ACACA: variants seen among roughly 807,000 people sequenced by gnomAD.
ACACA encodes acetyl-CoA carboxylase 1.
In ACACA, 103 loss-of-function variants were observed where a neutral mutation model predicts 296.1. That is an observed-to-expected ratio of 0.35 (90% CI 0.30 to 0.41). The LOEUF (loss-of-function observed/expected upper bound fraction) is 0.41. Ranked by LOEUF, ACACA falls within the 10% of genes least tolerant of loss-of-function variation. The pLI is 1.00. For missense variants in ACACA, 1,554 were observed against 2,989.7 expected (o/e 0.52, Z 11.20); for synonymous variants, 953 against 1,038.6 (o/e 0.92, Z 1.58).
intron 3 of ACACA, among the ~76,000 whole-genome samples, chr17:37,293,539 C>CTTTTTTTTTTTTT (rs58534025): frequency 1.6e-5 from 2 of 124,612 alleles, no homozygotes; most frequent in African/African-American, 3.0e-5. Context: ...AATTTTAGGA[C>CTTTTTTTTTTTTT]TTTTTTTTTT....
At chr17:37,175,125 A>C (rs897510820) in intron 41 of ACACA, among the ~76,000 whole-genome samples, 2 of 152,170 alleles carry the variant, frequency 1.3e-5, no homozygotes, top group Non-Finnish European at 2.9e-5. Flanking sequence ...CATATCTTTC[A>C]GCATTGCCCA....
intron 55 of ACACA, 128 bp from the exon 56 acceptor site, chr17:37,087,567 A>AT: frequency 3.5e-6 from 4 of 1,145,554 alleles, no homozygotes; most frequent in Non-Finnish European, 5.1e-6. Context: ...GCCTCACCTT[A>AT]TTTGTTTCCC....
intron 1 of ACACA, among the ~76,000 whole-genome samples, chr17:37,356,122 C>G (rs1210874040): frequency 1.3e-5 from 2 of 148,388 alleles, no homozygotes; most frequent in Non-Finnish European, 3.0e-5. Context: ...GAGCCGAGAT[C>G]GTGCCACTGC....
chr17:37,252,367 C>A (rs933940604), intron 15 of ACACA, among the ~76,000 whole-genome samples: 12 of 152,104 alleles, frequency 7.9e-5, no homozygotes, highest in African/African-American at 2.9e-4. Flanking sequence ...TTGAATAGCT[C>A]AAAAATAGGC....
At chr17:37,390,503 C>T (rs1186230471) in intron 1 of ACACA, among the ~76,000 whole-genome samples, 2 of 146,820 alleles carry the variant, frequency 1.4e-5, no homozygotes, top group Admixed American at 7.1e-5. Flanking sequence ...GGTGTGCACC[C>T]GTAGTCCCAG....
chr17:37,335,203 G>A (rs1598521324), intron 2 of ACACA, among the ~76,000 whole-genome samples: 1 of 152,032 alleles, frequency 6.6e-6, no homozygotes, highest in East Asian at 1.9e-4. Flanking sequence ...GCTCCATGAG[G>A]TCTCGGCCCA....
chr17:37,310,793 CAAAAAAA>C (rs74268026), intron 3 of ACACA, among the ~76,000 whole-genome samples: 22 of 50,530 alleles, frequency 4.4e-4, no homozygotes, highest in African/African-American at 1.7e-3. Context: ...GACACCATCT[CAAAAAAA>C]AAAAAAAAAA....
intron 36 of ACACA, 84 bp downstream of exon 36, chr17:37,193,290 G>A: frequency 2.9e-6 from 3 of 1,025,588 alleles, no homozygotes; most frequent in Non-Finnish European, 4.5e-6. Flanking sequence ...ATGGCAAGAA[G>A]AACGTATGGC....
At chr17:37,248,193 C>G (rs62069523) in intron 17 of ACACA, 37 bp from the exon 18 acceptor site, 1 of 1,611,740 alleles carries the variant, frequency 6.2e-7, no homozygotes. Context: ...TGTGTCCCTT[C>G]CAGGTACAGC....
chr17:37,342,436 A>AAT (rs1295176626), intron 1 of ACACA, among the ~76,000 whole-genome samples: 834 of 58,156 alleles, frequency 0.014, 20 homozygotes, highest in East Asian at 0.062. Flanking sequence ...AAAAAAAAAA[A>AAT]ATATATATAT....
At chr17:37,146,011 TAA>T (rs2075791403) in intron 45 of ACACA, among the ~76,000 whole-genome samples, 2 of 152,122 alleles carry the variant, frequency 1.3e-5, no homozygotes, top group African/African-American at 4.8e-5. Flanking sequence ...GGTTTTGGAA[TAA>T]AAGACACAGT....
chr17:37,124,780 T>A (rs1247219908), intron 48 of ACACA, among the ~76,000 whole-genome samples: 2 of 152,178 alleles, frequency 1.3e-5, no homozygotes, highest in African/African-American at 2.4e-5. Flanking sequence ...GTCTGTGGGA[T>A]TTGCCCTCTG....
At chr17:37,129,302 G>A in intron 47 of ACACA, 63 bp downstream of exon 47, 1 of 1,598,220 alleles carries the variant, frequency 6.3e-7, no homozygotes, top group Non-Finnish European at 8.6e-7. Flanking sequence ...ATTGGATAGT[G>A]ATTGAAAAGA....
chr17:37,356,657 A>G (rs951501689), intron 1 of ACACA, among the ~76,000 whole-genome samples: 1 of 152,078 alleles, frequency 6.6e-6, no homozygotes, highest in Non-Finnish European at 1.5e-5. Flanking sequence ...GGATTACAGG[A>G]GTGAGCCACC....
Position 37,089,053 on chromosome 17 carries a change from T to G in ACACA, c.6913A>C (p.Lys2305Gln), listed in dbSNP as rs1487450572. ...TTCTCTAGCCACTCCGCCAGATCCTTATTATTGTCCCAAACATAAGCCTGC... is the reference window on the plus strand; with the variant it reads ...TTCTCTAGCCACTCCGCCAGATCCTGATTATTGTCCCAAACATAAGCCTGC... ...TVKAYVWDNN[K>Q]DLAEWLEKQL... The change falls in exon 55 of 56, where the codon AAG becomes CAG. Residue 2305 changes from lysine to glutamine, a missense_variant. Around this residue, in one of 16 missense-constraint regions of ACACA, gnomAD observed 553 missense variants for 1,043.6 expected, o/e 0.53. Coordinates refer to ENST00000616317, the MANE Select transcript of ACACA (RefSeq NM_198834.3). 6.2e-7 allele frequency: 1 copy of G among 1,614,172 alleles called. No individual in the cohort carries two copies. The highest frequency in any genetic ancestry group is 2.2e-5 in the East Asian group (1 of 44,876).
intron 29 of ACACA, among the ~76,000 whole-genome samples, chr17:37,217,759 A>C (rs895916750): frequency 4.5e-5 from 6 of 134,638 alleles, no homozygotes; most frequent in South Asian, 2.1e-4. Context: ...AAAAAAAAAA[A>C]AAAAACAACC....
intron 11 of ACACA, 81 bp downstream of exon 11, chr17:37,263,604 A>G: frequency 1.6e-6 from 2 of 1,220,244 alleles, no homozygotes; most frequent in South Asian, 1.2e-5. Context: ...TTAAAATGCC[A>G]TTGTTCTCAG....
rs1386032855 is a variant in ACACA at position 37,390,330 on chromosome 17, A to ATATATATATATCTATC, written c.38+15931_38+15932insGATAGATATATATATA. Among the ~76,000 whole-genome samples the ATATATATATATCTATC allele has an allele frequency of 9.6e-5, 4 of 41,592 alleles. 1 individual carries two copies. Among genetic ancestry groups the ATATATATATATCTATC allele is most frequent in the African/African-American group, 2.6e-4 (2 of 7,838 alleles). The allele number at this position is 41,592 out of a possible 152,430, so 27.3% of individuals were successfully genotyped here. A position where few individuals can be genotyped will look rare whatever the true frequency, so the allele number is the denominator to read the frequency against. On this transcript the variant is annotated intron_variant, in intron 1 of 55. Coordinates refer to ENST00000616317, the MANE Select transcript of ACACA (RefSeq NM_198834.3). ...TATATATATATATATATATATATAT[A>ATATATATATATCTATC]TATAAAAGGCCAGCTGGGCCGGGCA...
chr17:37,266,278 G>C (rs539108738), intron 10 of ACACA, among the ~76,000 whole-genome samples: 2 of 152,198 alleles, frequency 1.3e-5, no homozygotes, highest in Non-Finnish European at 2.9e-5. Flanking sequence ...GCCAGGCATT[G>C]TGGTGGGCAC....
Sources: gnomAD v4.1 joint callset for allele counts (sites outside exome capture counted in the v4.1 genomes callset) on GRCh38, gnomAD v4.1.1 for gene constraint, gnomAD v4.1.1 regional missense constraint, MANE v1.5 for transcripts, NCBI Gene and HGNC (gene_info 2026-07-23, HGNC 2026-07-21) for gene names.